The following ZNF804B variants were observed in gnomAD, a reference collection of about 807,000 sequenced individuals.
ZNF804B encodes the protein zinc finger 804B.
ZNF804B carries 80 observed loss-of-function variants against 101.4 expected under a neutral mutation model. The observed-to-expected ratio is 0.79, with a 90% CI of 0.66 to 0.95. The LOEUF (loss-of-function observed/expected upper bound fraction) is 0.95. Ranked by LOEUF, ZNF804B falls within the 40% of genes least tolerant of loss-of-function variation. ZNF804B has a pLI of 0.00. For missense variants in ZNF804B, 1,673 were observed against 1,561.9 expected, an observed-to-expected ratio of 1.07 and a Z score of -1.20; for synonymous variants, 622 against 558.8, an observed-to-expected ratio of 1.11 and a Z score of -1.59.
intron 1 of ZNF804B, among the ~76,000 whole-genome samples, chr7:88,792,743 G>T (rs2115686503): frequency 6.6e-6 from 1 of 151,920 alleles, no homozygotes. Context: ...CTCTTTCTTA[G>T]CTAGAAGAAT....
In ZNF804B at chr7:89,033,535, A is replaced by T. The variant is rs28515182; in HGVS notation, c.109-184620A>T. 1.8e-3 allele frequency among the ~76,000 whole-genome samples: 278 copies of T among 152,134 alleles called. 1 individual carries two copies. The highest frequency in any genetic ancestry group is 6.4e-3 in the African/African-American group (265 of 41,504). On this transcript the variant is annotated intron_variant, in intron 1 of 3. Coordinates refer to ENST00000333190, the MANE Select transcript of ZNF804B (RefSeq NM_181646.5). ...ATTTTTAGTATTTTGTGGAACCTAC[A>T]CACAGTTTTCCATAATTAATGTACT...
intron 1 of ZNF804B, among the ~76,000 whole-genome samples, chr7:89,151,118 A>G (rs576835823): frequency 6.6e-6 from 1 of 152,254 alleles, no homozygotes; most frequent in Admixed American, 6.6e-5. Context: ...TCAAACGGTT[A>G]GATTATAAAA....
At chr7:89,086,331 A>G (rs1789800788) in intron 1 of ZNF804B, among the ~76,000 whole-genome samples, 1 of 151,998 alleles carries the variant, frequency 6.6e-6, no homozygotes, top group East Asian at 1.9e-4. Flanking sequence ...ATTCTATAAT[A>G]GAGCATTTTT....
At chr7:89,075,578 G>A (rs1789604527) in intron 1 of ZNF804B, among the ~76,000 whole-genome samples, 1 of 152,216 alleles carries the variant, frequency 6.6e-6, no homozygotes, top group Non-Finnish European at 1.5e-5. Flanking sequence ...TTGCTGCAGG[G>A]GTGGAGCTCT....
At chr7:89,117,812 T>C (rs960252277) in intron 1 of ZNF804B, among the ~76,000 whole-genome samples, 3 of 152,224 alleles carry the variant, frequency 2.0e-5, no homozygotes, top group Non-Finnish European at 4.4e-5. Context: ...GGCATATAAA[T>C]GTAAAACCAC....
chr7:89,124,433 G>T (rs1484983438), intron 1 of ZNF804B, among the ~76,000 whole-genome samples: 1 of 152,134 alleles, frequency 6.6e-6, no homozygotes, highest in South Asian at 2.1e-4. Context: ...AGAAACAAAG[G>T]CTGTTTTCCT....
At chr7:89,176,715 G>A (rs545618686) in intron 1 of ZNF804B, among the ~76,000 whole-genome samples, 2 of 150,384 alleles carry the variant, frequency 1.3e-5, no homozygotes, top group African/African-American at 4.9e-5. Context: ...AGTAGGATTG[G>A]TATTAGTTCT....
chr7:88,771,526 A>G (rs183014999), intron 1 of ZNF804B, among the ~76,000 whole-genome samples: 1 of 152,256 alleles, frequency 6.6e-6, no homozygotes, highest in Admixed American at 6.5e-5. Flanking sequence ...ACAGCAAACT[A>G]TTGAAATAAA....
chr7:89,051,249 A>G (rs1224241278), intron 1 of ZNF804B, among the ~76,000 whole-genome samples: 1 of 152,180 alleles, frequency 6.6e-6, no homozygotes, highest in Non-Finnish European at 1.5e-5. Context: ...TTACTACTAT[A>G]AATTTTTAAG....
At position 89,337,917 on chromosome 7, in the gene ZNF804B, A is replaced by G. The variant is rs1459434157; in HGVS notation, c.*885A>G. Reference sequence around the variant, plus strand: ...ACGTTCAGCCAATACATGTATAAGGATAGAGGTAAAGGTTTGAAAATGTCA... The same window carrying G: ...ACGTTCAGCCAATACATGTATAAGGGTAGAGGTAAAGGTTTGAAAATGTCA... On this transcript the variant is annotated 3_prime_UTR_variant, in exon 4 of 4. Coordinates refer to ENST00000333190, the MANE Select transcript of ZNF804B (RefSeq NM_181646.5). 6.6e-6 allele frequency among the ~76,000 whole-genome samples: 1 copy of G among 152,076 alleles called. No homozygotes were observed. Among genetic ancestry groups the G allele is most frequent in the Non-Finnish European group, 1.5e-5 (1 of 67,958 alleles).
intron 1 of ZNF804B, among the ~76,000 whole-genome samples, chr7:88,987,947 C>A (rs905995883): frequency 2.6e-5 from 4 of 151,950 alleles, no homozygotes; most frequent in Non-Finnish European, 5.9e-5. Context: ...CATTGTTCTA[C>A]TCTCTACATC....
At chr7:89,000,694 C>T (rs187857146) in intron 1 of ZNF804B, among the ~76,000 whole-genome samples, 5 of 151,630 alleles carry the variant, frequency 3.3e-5, no homozygotes, top group African/African-American at 9.7e-5. Context: ...ATGAGTATAA[C>T]GTGTTTAGAT....
intron 1 of ZNF804B, among the ~76,000 whole-genome samples, chr7:88,888,428 A>C (rs1309852550): frequency 3.9e-5 from 6 of 152,066 alleles, no homozygotes; most frequent in African/African-American, 1.4e-4. Context: ...ATCATCTATT[A>C]ATACAATTAG....
intron 2 of ZNF804B, among the ~76,000 whole-genome samples, chr7:89,277,967 C>T (rs996622366): frequency 4.6e-5 from 7 of 152,112 alleles, no homozygotes; most frequent in African/African-American, 1.4e-4. Context: ...GTCCCACCAA[C>T]AGTGTAAAAG....
At position 88,845,583 on chromosome 7, in the gene ZNF804B, T is replaced by G. The variant is rs570211646; in HGVS notation, c.108+85499T>G. 4.0e-5 allele frequency among the ~76,000 whole-genome samples: 6 copies of G among 150,752 alleles called. No individual in the cohort carries two copies. The South Asian group carries it at 6.3e-4, about 16-fold the overall frequency. On this transcript the variant is annotated intron_variant, in intron 1 of 3. Coordinates refer to ENST00000333190, the MANE Select transcript of ZNF804B (RefSeq NM_181646.5). The stretch of plus-strand genomic sequence containing the variant: ...CAAGCTGCTGACTTTTGCTCAGGGT[T>G]TTTTTTTTTCTCTTGCTACTGTTCT...
chr7:88,876,797 T>A (rs916273550), intron 1 of ZNF804B, among the ~76,000 whole-genome samples: 2 of 100,492 alleles, frequency 2.0e-5, no homozygotes, highest in Non-Finnish European at 4.1e-5. Context: ...AATATTATGC[T>A]TTAGCTCTAA....
chr7:88,881,792 T>A (rs1792046993), intron 1 of ZNF804B, among the ~76,000 whole-genome samples: 1 of 152,198 alleles, frequency 6.6e-6, no homozygotes. Context: ...TGTTAAGATA[T>A]CACTGAGAAT....
chr7:88,938,578 G>C (rs1793007553), intron 1 of ZNF804B, among the ~76,000 whole-genome samples: 1 of 151,972 alleles, frequency 6.6e-6, no homozygotes, highest in African/African-American at 2.4e-5. Context: ...GATTTGTAGG[G>C]CATGACTCCC....
chr7:88,959,300 A>G (rs1212483832), intron 1 of ZNF804B, among the ~76,000 whole-genome samples: 1 of 151,394 alleles, frequency 6.6e-6, no homozygotes, highest in Admixed American at 6.6e-5. Context: ...TTGTTACTAC[A>G]TTTTACACAT....
Sources: allele counts gnomAD v4.1 joint callset (sites outside exome capture counted in the v4.1 genomes callset), GRCh38; gene constraint gnomAD v4.1.1; transcripts MANE v1.5; gene names NCBI Gene and HGNC (gene_info 2026-07-23, HGNC 2026-07-21).